C12orf56: variants seen among roughly 807,000 people sequenced by gnomAD.
C12orf56 encodes the protein chromosome 12 open reading frame 56, also known as uncharacterized protein C12orf56.
A neutral mutation model predicts 69.9 loss-of-function variants in C12orf56; 71 were observed. That is an observed-to-expected ratio of 1.02 (90% CI 0.84 to 1.24). C12orf56 has a LOEUF of 1.24. Ranked by LOEUF, C12orf56 falls within the 50% of genes most tolerant of loss-of-function variation. C12orf56 has a pLI of 0.00. For synonymous variants in C12orf56, 276 were observed against 274.1 expected (o/e 1.01, Z -0.07); for missense variants, 732 against 738.5 (o/e 0.99, Z 0.10).
intron 8 of C12orf56, among the ~76,000 whole-genome samples, chr12:64,278,218 G>A (rs545812220): frequency 2.0e-5 from 3 of 152,312 alleles, no homozygotes; most frequent in African/African-American, 7.2e-5. Flanking sequence ...TTCATCAGAT[G>A]TGTTTACTAC....
At chr12:64,331,733 C>A (rs539552928) in intron 2 of C12orf56, among the ~76,000 whole-genome samples, 1 of 152,124 alleles carries the variant, frequency 6.6e-6, no homozygotes, top group Admixed American at 6.5e-5. Context: ...TCACCAGACA[C>A]TGAGTCTGCT....
intron 6 of C12orf56, among the ~76,000 whole-genome samples, chr12:64,289,167 A>C (rs2038253015): frequency 8.8e-6 from 1 of 113,126 alleles, no homozygotes; most frequent in Non-Finnish European, 1.9e-5. Flanking sequence ...TTGTTGGTGT[A>C]TAAGAATGCT....
intron 1 of C12orf56, among the ~76,000 whole-genome samples, chr12:64,377,893 C>G (rs536271607): frequency 6.6e-6 from 1 of 152,264 alleles, no homozygotes; most frequent in East Asian, 1.9e-4. Flanking sequence ...ACCAAAGGAG[C>G]TGTAGCCTAG....
chr12:64,331,179 G>A (rs2038925801), intron 2 of C12orf56, 147 bp from the exon 3 acceptor site: 1 of 667,566 alleles, frequency 1.5e-6, no homozygotes, highest in African/African-American at 1.9e-5. Context: ...GTAGCACGAT[G>A]GAGCAAAAAG....
chr12:64,305,970 T>C (rs1328713645), intron 5 of C12orf56, among the ~76,000 whole-genome samples: 2 of 152,246 alleles, frequency 1.3e-5, no homozygotes, highest in Non-Finnish European at 2.9e-5. Context: ...GTTTTTTCAT[T>C]TGGAGTCAGC....
Position 64,390,514 on chromosome 12 carries a change from C to G in C12orf56, c.52G>C (p.Asp18His). Residue 18 changes from aspartate (D) to histidine (H), a missense_variant, in exon 1 of 13, where the codon GAT becomes CAT. Asp to His is a moderately conservative substitution (Grantham distance 81, BLOSUM62 -1). Transcript: ENST00000543942. ...GFPARRNSRL[D>H]VFLRRHLPPE... The stretch of plus-strand genomic sequence containing the variant: ...GGCAGATGCCGCCGCAGGAACACAT[C>G]CAGGCGGCTGTTCCTGCGCGCGGGG... 6.3e-7 allele frequency: 1 copy of G among 1,599,364 alleles called. No homozygotes were observed. Among genetic ancestry groups the G allele is most frequent in the Non-Finnish European group, 8.5e-7 (1 of 1,179,096 alleles).
intron 1 of C12orf56, among the ~76,000 whole-genome samples, chr12:64,369,199 T>A (rs1176231964): frequency 6.6e-6 from 1 of 150,676 alleles, no homozygotes; most frequent in Non-Finnish European, 1.5e-5. Flanking sequence ...TAAAAGACAG[T>A]TAAATGTCTT....
intron 1 of C12orf56, among the ~76,000 whole-genome samples, chr12:64,353,881 A>G (rs1432225861): frequency 6.6e-6 from 1 of 152,102 alleles, no homozygotes; most frequent in Non-Finnish European, 1.5e-5. Context: ...GGGTTTCACC[A>G]TGTGGGACAG....
intron 2 of C12orf56, among the ~76,000 whole-genome samples, chr12:64,348,362 G>A (rs1393119585): frequency 5.3e-5 from 8 of 152,116 alleles, no homozygotes; most frequent in Non-Finnish European, 1.2e-4. Context: ...TACTCTTAAG[G>A]CACTAATCTG....
intron 1 of C12orf56, among the ~76,000 whole-genome samples, chr12:64,380,636 C>T (rs796704207): frequency 6.6e-6 from 1 of 152,122 alleles, no homozygotes; most frequent in Non-Finnish European, 1.5e-5. Flanking sequence ...GGGAATGGTA[C>T]TTTTAGTTTG....
intron 1 of C12orf56, among the ~76,000 whole-genome samples, chr12:64,369,167 A>AAT (rs2039536629): frequency 6.6e-6 from 1 of 151,560 alleles, no homozygotes; most frequent in South Asian, 2.1e-4. Flanking sequence ...CAAAAAAAAA[A>AAT]AAAAGAATAC....
intron 8 of C12orf56, among the ~76,000 whole-genome samples, chr12:64,283,785 A>G (rs2038163050): frequency 6.6e-6 from 1 of 152,062 alleles, no homozygotes; most frequent in Non-Finnish European, 1.5e-5. Flanking sequence ...CAGAGTAACA[A>G]AGGGGAAAAA....
intron 2 of C12orf56, among the ~76,000 whole-genome samples, chr12:64,331,805 A>G (rs2038933468): frequency 6.6e-6 from 1 of 152,192 alleles, no homozygotes; most frequent in Non-Finnish European, 1.5e-5. Context: ...TGTTGTTTAT[A>G]AATTACCTAG....
At chr12:64,316,114 AT>A (rs536958962) in intron 4 of C12orf56, among the ~76,000 whole-genome samples, 1 of 151,344 alleles carries the variant, frequency 6.6e-6, no homozygotes, top group Non-Finnish European at 1.5e-5. Flanking sequence ...TATTTTATAT[AT>A]TTTTTTTCAG....
intron 1 of C12orf56, among the ~76,000 whole-genome samples, chr12:64,377,107 G>A (rs902912863): frequency 3.3e-5 from 5 of 151,738 alleles, no homozygotes; most frequent in African/African-American, 1.2e-4. Context: ...ATTCTGTAGT[G>A]ATTGGTGATG....
At position 64,344,964 on chromosome 12, in the gene C12orf56, G is replaced by A. The variant is rs1277065057; in HGVS notation, c.415+7930C>T. Among the ~76,000 whole-genome samples, 9 of 152,174 alleles carry A rather than the reference G, an allele frequency of 5.9e-5. No homozygotes were observed. In the South Asian group the frequency reaches 1.0e-3, roughly 18 times the overall value. ...AACTCCCTGAGCTGCAACATTAAAC[G>A]CAGAGTCCCTACTTAGTGGGGCCAA... On this transcript the variant is annotated intron_variant, in intron 2 of 12. Transcript: ENST00000543942.
chr12:64,272,613 G>T (rs1359567560), intron 11 of C12orf56, among the ~76,000 whole-genome samples: 1 of 152,112 alleles, frequency 6.6e-6, no homozygotes, highest in Non-Finnish European at 1.5e-5. Flanking sequence ...AAACTTTCCT[G>T]TTACGTGGAG....
At chr12:64,335,704 C>A (rs1276060548) in intron 2 of C12orf56, among the ~76,000 whole-genome samples, 2 of 152,148 alleles carry the variant, frequency 1.3e-5, no homozygotes, top group African/African-American at 4.8e-5. Flanking sequence ...AGAAAAGCAT[C>A]TTTTCCTCTA....
At position 64,338,563 on chromosome 12, in the gene C12orf56, A is replaced by T. The variant is rs2039029117; in HGVS notation, c.416-7531T>A. ...CTCTGAGGACTTTGAGTCTTGCTTGATTCATCAAATTGGACATCTGAATTT... is the reference window on the plus strand; with the variant it reads ...CTCTGAGGACTTTGAGTCTTGCTTGTTTCATCAAATTGGACATCTGAATTT... On this transcript the variant is annotated intron_variant, in intron 2 of 12. Coordinates refer to ENST00000543942, the MANE Select transcript of C12orf56 (RefSeq NM_001170633.2). 21 of 1,508,306 alleles carry T rather than the reference A, an allele frequency of 1.4e-5. No individual in the cohort carries two copies. The South Asian group carries it at 1.9e-4, about 14-fold the overall frequency. The allele number at this position is 1,508,306 out of a possible 1,614,324, so 93.4% of individuals were successfully genotyped here. A position where few individuals can be genotyped will look rare whatever the true frequency, so the allele number is the denominator to read the frequency against.
Sources: allele counts gnomAD v4.1 joint callset (sites outside exome capture counted in the v4.1 genomes callset), GRCh38; gene constraint gnomAD v4.1.1; transcripts MANE v1.5; gene names NCBI Gene and HGNC (gene_info 2026-07-23, HGNC 2026-07-21).